The following HDAC8 variants were observed in gnomAD, a reference collection of about 807,000 sequenced individuals.
HDAC8 encodes histone deacetylase 8.
HDAC8 carries 1 observed loss-of-function variant against 32.2 expected under a neutral mutation model. That is an observed-to-expected ratio of 0.03 (90% CI 0.01 to 0.15). HDAC8 has a LOEUF of 0.15. Among genes scored for constraint, HDAC8 ranks in the 10% least tolerant of loss-of-function variants. HDAC8 has a pLI of 1.00. For synonymous variants in HDAC8, 108 were observed against 113.9 expected (o/e 0.95, Z 0.33); for missense variants, 117 against 300.0 (o/e 0.39, Z 4.51).
chrX:72,529,550 T>G (rs970469785), intron 4 of HDAC8, among the ~76,000 whole-genome samples: 10 of 112,208 alleles, frequency 8.9e-5, no homozygotes, highest in Non-Finnish European at 1.3e-4. Flanking sequence ...ATACCTTGAT[T>G]TTAGCCCTGT....
At chrX:72,488,831 T>G in intron 7 of HDAC8, 102 bp downstream of exon 7, 1 of 467,374 alleles carries the variant, frequency 2.1e-6, no homozygotes, top group Non-Finnish European at 3.6e-6. Context: ...GGTATATAGA[T>G]GTTTTCTTTT....
chrX:72,496,541 C>A (rs2049025298), intron 4 of HDAC8, among the ~76,000 whole-genome samples: 1 of 111,040 alleles, frequency 9.0e-6, no homozygotes, highest in African/African-American at 3.3e-5. Context: ...TTCTTAGATG[C>A]AAATGCTATT....
At chrX:72,559,788 G>A (rs782758923) in intron 4 of HDAC8, among the ~76,000 whole-genome samples, 3 of 107,586 alleles carry the variant, frequency 2.8e-5, no homozygotes, top group Non-Finnish European at 3.9e-5. Context: ...GAGCCCCTCC[G>A]CCCAGCAGCC....
At chrX:72,452,111 AGAG>A (rs2047585198) in intron 9 of HDAC8, among the ~76,000 whole-genome samples, 1 of 112,750 alleles carries the variant, frequency 8.9e-6, no homozygotes, top group Non-Finnish European at 1.9e-5. Flanking sequence ...CAACTTCACA[AGAG>A]TAGTCCTGAA....
chrX:72,387,041 C>T (rs1345899907), intron 9 of HDAC8, among the ~76,000 whole-genome samples: 7 of 111,817 alleles, frequency 6.3e-5, no homozygotes, highest in African/African-American at 2.3e-4. Context: ...GAATCAAAAC[C>T]GAAAACTCTA....
At chrX:72,364,725 C>T (rs1196670148) in intron 9 of HDAC8, among the ~76,000 whole-genome samples, 1 of 110,720 alleles carries the variant, frequency 9.0e-6, no homozygotes, top group Non-Finnish European at 1.9e-5. Context: ...TCAAAATACC[C>T]GAAATAATGG....
At chrX:72,402,472 T>C (rs2045933039) in intron 9 of HDAC8, among the ~76,000 whole-genome samples, 1 of 109,309 alleles carries the variant, frequency 9.1e-6, no homozygotes, top group Non-Finnish European at 1.9e-5. Context: ...GATTTTTCTT[T>C]GTTTTAACAT....
chrX:72,446,233 C>A (rs1215825433), intron 9 of HDAC8, among the ~76,000 whole-genome samples: 1 of 112,196 alleles, frequency 8.9e-6, no homozygotes, highest in African/African-American at 3.2e-5. Flanking sequence ...GACACACGCA[C>A]ACGTATGTTT....
At position 72,331,227 on chromosome X, in the gene HDAC8, G is replaced by C. The variant is rs782627344; in HGVS notation, c.1112-1151C>G. ...CCCAAAGTGCTGGGATTACAGGTAT[G>C]CCCGGCCTTGCCTATCTACTTTTAT... is the stretch of plus-strand genomic sequence containing the variant. On this transcript the variant is annotated intron_variant, in intron 10 of 10. Coordinates refer to ENST00000373573, the MANE Select transcript of HDAC8 (RefSeq NM_018486.3). Among the ~76,000 whole-genome samples the C allele has an allele frequency of 4.5e-5, 5 of 110,987 alleles. No homozygotes were observed. The East Asian group carries it at 1.4e-3, about 31-fold the overall frequency.
intron 2 of HDAC8, among the ~76,000 whole-genome samples, chrX:72,569,651 G>A (rs782214530): frequency 6.3e-5 from 7 of 111,789 alleles, no homozygotes; most frequent in Non-Finnish European, 1.1e-4. Flanking sequence ...TACTCCTCAC[G>A]AAAAATGACA....
intron 10 of HDAC8, among the ~76,000 whole-genome samples, chrX:72,339,646 G>A (rs2043836301): frequency 8.9e-6 from 1 of 112,090 alleles, no homozygotes; most frequent in African/African-American, 3.2e-5. Flanking sequence ...TCAAGGCCAG[G>A]GCCTTATCTG....
chrX:72,572,353 C>A, intron 1 of HDAC8: 1 of 417,519 alleles, frequency 2.4e-6, no homozygotes, highest in Non-Finnish European at 4.1e-6. Flanking sequence ...CCCCCTGCAG[C>A]TTGTTTTCCC....
intron 7 of HDAC8, among the ~76,000 whole-genome samples, chrX:72,475,374 A>G (rs2048302073): frequency 8.9e-6 from 1 of 112,127 alleles, no homozygotes; most frequent in Non-Finnish European, 1.9e-5. Flanking sequence ...ATTTGATGGG[A>G]TTGAGAGGCA....
rs370923527 is a variant in HDAC8, at chrX:72,565,852, T to TA, written c.437+2036dup. 2.3e-3 allele frequency among the ~76,000 whole-genome samples: 255 copies of TA among 110,416 alleles called. 2 individuals carry two copies. Among genetic ancestry groups the TA allele is most frequent in the Middle Eastern group, 4.6e-3 (1 of 217 alleles). On this transcript the variant is annotated intron_variant, in intron 4 of 10. Transcript: ENST00000373573. ...GCAGTCATTGTCTTTATTTTGAATTTAAAAAAAAGGCAGGCGGTGTGCAGT... is the reference window on the plus strand; with the variant it reads ...GCAGTCATTGTCTTTATTTTGAATTTAAAAAAAAAGGCAGGCGGTGTGCAGT...
chrX:72,425,908 C>A (rs1339494904), intron 9 of HDAC8, among the ~76,000 whole-genome samples: 1 of 111,766 alleles, frequency 8.9e-6, no homozygotes, highest in African/African-American at 3.3e-5. Flanking sequence ...CAAATATTAC[C>A]TCCTTTGTGA....
At chrX:72,361,460 G>A (rs995746253) in intron 9 of HDAC8, among the ~76,000 whole-genome samples, 2 of 111,338 alleles carry the variant, frequency 1.8e-5, no homozygotes, top group African/African-American at 3.3e-5. Flanking sequence ...TGCAATCATA[G>A]CTCACTGTAA....
chrX:72,462,915 A>G (rs2047905164), intron 8 of HDAC8, among the ~76,000 whole-genome samples: 1 of 112,123 alleles, frequency 8.9e-6, no homozygotes, highest in South Asian at 3.7e-4. Flanking sequence ...GACCATATAA[A>G]TTATCATACA....
intron 4 of HDAC8, among the ~76,000 whole-genome samples, chrX:72,531,309 A>T (rs1429084660): frequency 7.1e-5 from 8 of 112,058 alleles, no homozygotes; most frequent in Admixed American, 2.8e-4. Flanking sequence ...AGAAAAACTG[A>T]TCAGAATATG....
At chrX:72,424,392 T>G (rs936985148) in intron 9 of HDAC8, among the ~76,000 whole-genome samples, 1 of 111,764 alleles carries the variant, frequency 8.9e-6, no homozygotes, top group Non-Finnish European at 1.9e-5. Flanking sequence ...ATTATTTCTT[T>G]GATAATTTCC....
Sources: gnomAD v4.1 joint callset for allele counts (sites outside exome capture counted in the v4.1 genomes callset) on GRCh38, gnomAD v4.1.1 for gene constraint, MANE v1.5 for transcripts, NCBI Gene and HGNC (gene_info 2026-07-23, HGNC 2026-07-21) for gene names.